The following GYG2 variants were observed in gnomAD, a reference collection of about 807,000 sequenced individuals.
GYG2 encodes the protein glycogenin-2.
A neutral mutation model predicts 29.4 loss-of-function variants in GYG2; 29 were observed. The observed-to-expected ratio is 0.99, with a 90% CI of 0.74 to 1.35. GYG2 has a LOEUF of 1.35. Among genes scored for constraint, GYG2 ranks in the 40% most tolerant of loss-of-function variants. The pLI, the probability that GYG2 is intolerant of heterozygous loss-of-function variation, is 0.00. For missense variants in GYG2, 370 were observed against 385.7 expected, an observed-to-expected ratio of 0.96 and a Z score of 0.34; for synonymous variants, 167 against 172.3, an observed-to-expected ratio of 0.97 and a Z score of 0.24.
At chrX:2,836,383 A>G (rs959427857) in intron 2 of GYG2, among the ~76,000 whole-genome samples, 13 of 111,076 alleles carry the variant, frequency 1.2e-4, no homozygotes, top group African/African-American at 3.9e-4. Context: ...AATGTTTTCT[A>G]GTCTGGTGCG....
intron 2 of GYG2, among the ~76,000 whole-genome samples, chrX:2,835,780 C>T (rs1466360471): frequency 3.6e-5 from 4 of 110,850 alleles, no homozygotes; most frequent in Admixed American, 9.7e-5. Context: ...AGTCTCCCAG[C>T]GTGTGGTACT....
chrX:2,845,757 A>G (rs1409187252), intron 3 of GYG2, among the ~76,000 whole-genome samples: 2 of 104,886 alleles, frequency 1.9e-5, no homozygotes, highest in Admixed American at 2.1e-4. Flanking sequence ...ATGCATGTGT[A>G]TGTATATATA....
intron 3 of GYG2, among the ~76,000 whole-genome samples, chrX:2,846,036 C>CACATATATATAT (rs1199380183): frequency 1.2e-4 from 4 of 33,055 alleles, no homozygotes; most frequent in South Asian, 2.4e-3. Context: ...TATATATACA[C>CACATATATATAT]ATATATATAT....
intron 2 of GYG2, among the ~76,000 whole-genome samples, chrX:2,830,737 A>G (rs1206258935): frequency 9.0e-6 from 1 of 111,645 alleles, no homozygotes; most frequent in Non-Finnish European, 1.9e-5. Flanking sequence ...CCTGGGCAAC[A>G]TAGGGAGACC....
intron 8 of GYG2, among the ~76,000 whole-genome samples, chrX:2,866,825 ATT>A (rs751376982): frequency 7.9e-5 from 5 of 63,447 alleles, no homozygotes; most frequent in East Asian, 1.1e-3. Context: ...TAAAAAGTAA[ATT>A]TTTTTTTTTT....
At chrX:2,838,481 T>TTTTCTTTTTCTTTCTC (rs2087429170) in intron 2 of GYG2, among the ~76,000 whole-genome samples, 1 of 28,361 alleles carries the variant, frequency 3.5e-5, no homozygotes, top group East Asian at 1.6e-3. Context: ...CTTTCTTTCT[T>TTTTCTTTTTCTTTCTC]TTTTCTTTTT....
At chrX:2,867,485 C>T (rs981820906) in intron 8 of GYG2, among the ~76,000 whole-genome samples, 13 of 111,185 alleles carry the variant, frequency 1.2e-4, no homozygotes, top group Admixed American at 9.6e-5. Flanking sequence ...CCAGGCACAG[C>T]GTGAAGGGGA....
chrX:2,844,143 G>A (rs772386801), intron 3 of GYG2, among the ~76,000 whole-genome samples: 113 of 112,178 alleles, frequency 1.0e-3, no homozygotes, highest in African/African-American at 3.5e-3. Context: ...GGACGAGGAG[G>A]CATTTAATAT....
chrX:2,878,235 T>A (rs1442448879), intron 10 of GYG2: 1 of 723,340 alleles, frequency 1.4e-6, no homozygotes, highest in Non-Finnish European at 1.6e-6. Flanking sequence ...CTCAGCCATG[T>A]GGTAGGTTTG....
rs1302317481 is a variant in GYG2 at position 2,847,733 on chromosome X, A to AATAC, written c.149+4382_149+4383insCATA. On this transcript the variant is annotated intron_variant, in intron 3 of 10. Transcript: ENST00000398806. ...AAATAAATAAATAAATAAATAAATA[A>AATAC]ATAAATAAATAAATAAAAATCCACA... Among the ~76,000 whole-genome samples, 32 of 105,042 alleles carry AATAC rather than the reference A, an allele frequency of 3.0e-4. 1 individual carries two copies. Among genetic ancestry groups the AATAC allele is most frequent in the Admixed American group, 4.1e-4 (4 of 9,784 alleles). The allele number at this position is 105,042 out of a possible 115,157, so 91.2% of individuals were successfully genotyped here. A position where few individuals can be genotyped will look rare whatever the true frequency, so the allele number is the denominator to read the frequency against.
At chrX:2,860,919 G>A (rs1260499662) in intron 7 of GYG2, among the ~76,000 whole-genome samples, 3 of 110,078 alleles carry the variant, frequency 2.7e-5, no homozygotes, top group South Asian at 3.9e-4. Context: ...TAGTGGAGAC[G>A]GGGTTTTGCC....
intron 2 of GYG2, among the ~76,000 whole-genome samples, chrX:2,833,615 GTCAC>G (rs1307777286): frequency 9.0e-6 from 1 of 111,462 alleles, no homozygotes; most frequent in African/African-American, 3.3e-5. Context: ...TCGCATAGTT[GTCAC>G]TCACGTCCTG....
At chrX:2,862,224 G>A (rs4892901) in intron 8 of GYG2, among the ~76,000 whole-genome samples, 58,625 of 109,884 alleles carry the variant, frequency 0.53, 13,779 homozygotes, top group East Asian at 0.8. Flanking sequence ...AGCTGGAGAA[G>A]GCAGGAAATG....
intron 1 of GYG2, 171 bp downstream of exon 1, chrX:2,829,146 A>C: frequency 1.4e-4 from 1 of 7,348 alleles, no homozygotes; most frequent in Non-Finnish European, 2.6e-4. Context: ...GGGCTGGGGG[A>C]GGGGCGCCGG....
At chrX:2,862,127 G>C (rs2088184159) in intron 8 of GYG2, among the ~76,000 whole-genome samples, 1 of 110,922 alleles carries the variant, frequency 9.0e-6, no homozygotes, top group East Asian at 2.8e-4. Context: ...GCAGAGGCCA[G>C]AGAGAGAGGG....
chrX:2,841,385 A>G (rs1228884035), intron 2 of GYG2, among the ~76,000 whole-genome samples: 1 of 110,431 alleles, frequency 9.1e-6, no homozygotes, highest in Non-Finnish European at 1.9e-5. Context: ...TGATGGATGG[A>G]TGGATAGATA....
At chrX:2,875,713 T>C (rs1247026233) in intron 8 of GYG2, 97 bp from the exon 9 acceptor site, 1 of 562,807 alleles carries the variant, frequency 1.8e-6, no homozygotes, top group Non-Finnish European at 3.0e-6. Flanking sequence ...ATTTGCACCA[T>C]AGAGGCAGAA....
chrX:2,843,517 C>T (rs1049462239), intron 3 of GYG2, among the ~76,000 whole-genome samples, 163 bp downstream of exon 3: 5 of 112,064 alleles, frequency 4.5e-5, no homozygotes, highest in African/African-American at 1.6e-4. Flanking sequence ...AAGGAACCTT[C>T]GAATCATGTG....
chrX:2,859,995 A>G lies in GYG2; in HGVS notation c.767A>G (p.Tyr256Cys), dbSNP rs1018419757. 3 of 1,203,650 alleles carry G rather than the reference A, an allele frequency of 2.5e-6. No individual in the cohort carries two copies. The South Asian group carries it at 5.4e-5, about 22-fold the overall frequency. The part of the protein sequence containing the change: ...AAFLHLWWTV[Y>C]QNNVLPLYKS... ...TTCCTTCATCTCTGGTGGACGGTCT[A>G]CCAGAACAACGTGCTGCCCCTTTAT... Residue 256 changes from tyrosine (Y) to cysteine (C), a missense_variant, in exon 7 of 11, where the codon TAC (tyrosine) becomes TGC (cysteine). Tyr to Cys is a radical substitution (Grantham distance 194). Coordinates refer to ENST00000398806, the MANE Select transcript of GYG2 (RefSeq NM_001079855.2).
Sources: allele counts gnomAD v4.1 joint callset (sites outside exome capture counted in the v4.1 genomes callset), GRCh38; gene constraint gnomAD v4.1.1; transcripts MANE v1.5; gene names NCBI Gene and HGNC (gene_info 2026-07-23, HGNC 2026-07-21).